Variants in DENND2D observed in about 807,000 individuals in gnomAD.
DENND2D encodes the protein DENN domain-containing protein 2D.
In DENND2D, 37 loss-of-function variants were observed where a neutral mutation model predicts 59.8. The observed-to-expected ratio is 0.62, with a 90% CI of 0.48 to 0.81. The LOEUF (loss-of-function observed/expected upper bound fraction) is 0.81, where lower values mean the gene tolerates loss of function less well. Among genes scored for constraint, DENND2D ranks in the 40% least tolerant of loss-of-function variants. The pLI, the probability that DENND2D is intolerant of heterozygous loss-of-function variation, is 0.00. For missense variants in DENND2D, 525 were observed against 579.7 expected (o/e 0.91, Z 0.97); for synonymous variants, 219 against 211.3 (o/e 1.04, Z -0.31).
chr1:111,189,577 T>TGG (rs1657536793), intron 8 of DENND2D, among the ~76,000 whole-genome samples: 1 of 152,208 alleles, frequency 6.6e-6, no homozygotes, highest in Non-Finnish European at 1.5e-5. Flanking sequence ...TGCTTCTACA[T>TGG]GGAGCATTTA....
At chr1:111,200,230 A>T in intron 1 of DENND2D, 163 bp downstream of exon 1, 1 of 903,936 alleles carries the variant, frequency 1.1e-6, no homozygotes, top group Non-Finnish European at 1.7e-6. Flanking sequence ...GGGCATGACC[A>T]GCTCTTAAAA....
intron 7 of DENND2D, among the ~76,000 whole-genome samples, chr1:111,193,184 G>A (rs184490474): frequency 1.2e-4 from 19 of 152,300 alleles, no homozygotes; most frequent in Admixed American, 6.5e-4. Context: ...GGGAATCCTT[G>A]TTTCAGTTCT....
chr1:111,203,675 G>C (rs1353086357), upstream of DENND2D, among the ~76,000 whole-genome samples: 1 of 152,258 alleles, frequency 6.6e-6, no homozygotes, highest in African/African-American at 2.4e-5. Context: ...GGAAAGGGAA[G>C]GGGTGCCCTG....
intron 5 of DENND2D, chr1:111,196,901 A>G (rs1169023942): frequency 2.5e-6 from 1 of 406,806 alleles, no homozygotes; most frequent in East Asian, 4.1e-5. Flanking sequence ...AACTCAGGGC[A>G]GAAGTTTCTT....
At chr1:111,193,038 C>A (rs1039485647) in intron 7 of DENND2D, among the ~76,000 whole-genome samples, 15 of 152,256 alleles carry the variant, frequency 9.9e-5, no homozygotes, top group Admixed American at 3.3e-4. Context: ...CAAGTCACAA[C>A]TTGGACCCTA....
Position 111,200,642 on chromosome 1 carries a change from G to A in DENND2D, c.-183C>T. On this transcript the variant is annotated 5_prime_UTR_variant, in exon 1 of 12. Transcript: ENST00000357640. Reference sequence around the variant, plus strand: ...GTGCACCCAGTGGTTGAGCAAGAAGGATGTGACGGGACCCAGGAAGGCAGC... The same window carrying A: ...GTGCACCCAGTGGTTGAGCAAGAAGAATGTGACGGGACCCAGGAAGGCAGC... 3 of 1,386,206 alleles carry A rather than the reference G, an allele frequency of 2.2e-6. No homozygotes were observed. The highest frequency in any genetic ancestry group is 2.8e-6 in the Non-Finnish European group (3 of 1,058,286). 85.9% of individuals were successfully genotyped at this position (1,386,206 alleles called of 1,614,324 possible). A position where few individuals can be genotyped will look rare whatever the true frequency, so the allele number is the denominator to read the frequency against.
At chr1:111,199,433 A>G (rs1468054114) in intron 2 of DENND2D, among the ~76,000 whole-genome samples, 190 bp downstream of exon 2, 1 of 152,210 alleles carries the variant, frequency 6.6e-6, no homozygotes, top group African/African-American at 2.4e-5. Flanking sequence ...AGTTAGACCT[A>G]GATTCTGTGG....
intron 8 of DENND2D, among the ~76,000 whole-genome samples, chr1:111,191,791 G>A (rs1025883228): frequency 6.6e-6 from 1 of 152,146 alleles, no homozygotes; most frequent in African/African-American, 2.4e-5. Context: ...GGATGAGATG[G>A]GACACCCCGA....
intron 1 of DENND2D, 151 bp downstream of exon 1, chr1:111,200,242 C>A: frequency 9.5e-7 from 1 of 1,052,332 alleles, no homozygotes; most frequent in South Asian, 1.5e-5. Flanking sequence ...CTCTTAAAAA[C>A]CAGCAGAGGA....
chr1:111,192,048 G>T, intron 8 of DENND2D, 92 bp downstream of exon 8: 1 of 1,199,272 alleles, frequency 8.3e-7, no homozygotes, highest in African/African-American at 1.5e-5. Flanking sequence ...AAGGTAACTT[G>T]CCCCTAATCA....
intron 4 of DENND2D, chr1:111,197,653 A>G (rs1417884097): frequency 7.3e-7 from 1 of 1,375,540 alleles, no homozygotes; most frequent in Non-Finnish European, 9.4e-7. Flanking sequence ...AGGCCTGGAT[A>G]GAGCAGGCAG....
rs755575955 is a variant in DENND2D, at chr1:111,187,430, A to G, written c.*175T>C. On this transcript the variant is annotated 3_prime_UTR_variant, in exon 12 of 12. Coordinates refer to ENST00000357640, the MANE Select transcript of DENND2D (RefSeq NM_024901.5). ...TCAGAGCCCTCCAAAGTCCTGAGAA[A>G]TCAATACCAGGGATCCAAATCTCAG... The G allele has an allele frequency of 8.2e-5, 50 of 612,656 alleles. No homozygotes were observed. The highest frequency in any genetic ancestry group is 1.2e-4 in the Admixed American group (4 of 34,740). 38.0% of individuals were successfully genotyped at this position (612,656 alleles called of 1,614,324 possible). A position where few individuals can be genotyped will look rare whatever the true frequency, so the allele number is the denominator to read the frequency against.
intron 11 of DENND2D, 84 bp from the exon 12 acceptor site, chr1:111,187,765 C>G: frequency 3.6e-6 from 4 of 1,096,282 alleles, no homozygotes; most frequent in Non-Finnish European, 5.5e-6. Flanking sequence ...TCAGAAATAT[C>G]CTGTCTGCTC....
chr1:111,203,362 A>G (rs1295152265), upstream of DENND2D, among the ~76,000 whole-genome samples: 4 of 152,212 alleles, frequency 2.6e-5, no homozygotes, highest in African/African-American at 9.6e-5. Flanking sequence ...TGGCGTGCCA[A>G]TGTTGGAAAG....
In DENND2D at chr1:111,200,545, G is replaced by C. The variant is rs904767934; in HGVS notation, c.-86C>G. 7 of 1,533,830 alleles carry C rather than the reference G, an allele frequency of 4.6e-6. No homozygotes were observed. The East Asian group carries it at 1.5e-4, about 33-fold the overall frequency. On this transcript the variant is annotated 5_prime_UTR_variant, in exon 1 of 12. Transcript: ENST00000357640. Reference sequence around the variant, plus strand: ...GTAAGCCTGAGAAAGGGGCTGCTTCGGTCTCCAGCCACAACTCTGTGAAGC... The same window carrying C: ...GTAAGCCTGAGAAAGGGGCTGCTTCCGTCTCCAGCCACAACTCTGTGAAGC...
Position 111,197,199 on chromosome 1 carries a change from C to G in DENND2D, c.481G>C (p.Gly161Arg). 2 of 1,613,876 alleles carry G rather than the reference C, an allele frequency of 1.2e-6. No homozygotes were observed. Among genetic ancestry groups the G allele is most frequent in the Non-Finnish European group, 1.7e-6 (2 of 1,179,964 alleles). ...PKVYCIISCI[G>R]CFGLFSKILD... ...ACCTTGGAGAACAAGCCGAAGCAGC[C>G]GATGCAGCTGATGATGCAGTACACT... The change falls in exon 5 of 12, where the codon GGC (glycine) becomes CGC (arginine). Residue 161 changes from glycine to arginine, a missense_variant. Physicochemically the swap from Gly to Arg is moderately radical, Grantham distance 125. Transcript: ENST00000357640.
chr1:111,201,557 C>G (rs1658803057), upstream of DENND2D, among the ~76,000 whole-genome samples: 1 of 152,150 alleles, frequency 6.6e-6, no homozygotes, highest in African/African-American at 2.4e-5. Flanking sequence ...TGTCTGGAGA[C>G]TAGGTAAGAG....
At position 111,198,117 on chromosome 1, in the gene DENND2D, A is replaced by G. The variant is rs1658425244; in HGVS notation, c.357-128T>C. On this transcript the variant is annotated intron_variant, in intron 3 of 11. Transcript: ENST00000357640. The stretch of plus-strand genomic sequence containing the variant: ...TGATTAATCACAGGAGTAAGGGCTC[A>G]CTGGTGTCAGGCCCTAAACACATCA... 1.4e-5 allele frequency: 12 copies of G among 829,206 alleles called. No individual in the cohort carries two copies. In the South Asian group the frequency reaches 1.9e-4, roughly 13 times the overall value. The allele number at this position is 829,206 out of a possible 1,614,324, so 51.4% of individuals were successfully genotyped here. A position where few individuals can be genotyped will look rare whatever the true frequency, so the allele number is the denominator to read the frequency against.
At chr1:111,191,687 T>C (rs1344010731) in intron 8 of DENND2D, among the ~76,000 whole-genome samples, 1 of 152,176 alleles carries the variant, frequency 6.6e-6, no homozygotes, top group East Asian at 1.9e-4. Flanking sequence ...TTAAGACTCA[T>C]AGTTTGCCAG....
Sources: allele counts gnomAD v4.1 joint callset (sites outside exome capture counted in the v4.1 genomes callset), GRCh38; gene constraint gnomAD v4.1.1; transcripts MANE v1.5; gene names NCBI Gene and HGNC (gene_info 2026-07-23, HGNC 2026-07-21).